The following FAM133B variants were observed in gnomAD, a reference collection of about 807,000 sequenced individuals.
FAM133B encodes the protein protein FAM133B.
FAM133B carries 25 observed loss-of-function variants against 46.4 expected under a neutral mutation model. The ratio of observed to expected loss-of-function variants is 0.54; its 90% confidence interval spans 0.39 to 0.75. The LOEUF (loss-of-function observed/expected upper bound fraction) is 0.75, where lower values mean the gene tolerates loss of function less well. FAM133B is among the 30% of genes least tolerant of loss of function. The pLI, the probability that FAM133B is intolerant of heterozygous loss-of-function variation, is 0.00. For synonymous variants in FAM133B, 75 were observed against 86.0 expected (o/e 0.87, Z 0.71); for missense variants, 205 against 277.6 (o/e 0.74, Z 1.86).
chr7:92,577,645 C>T lies in FAM133B; in HGVS notation c.372+10G>A. ...ATATTATTTCATGAACCATTATAAG[C>T]AAACCTTACCTCATCTTCAGAATCA... On this transcript the variant is annotated intron_variant, in intron 6 of 10. Transcript: ENST00000445716. 2.6e-6 allele frequency: 4 copies of T among 1,568,298 alleles called. No individual in the cohort carries two copies. The highest frequency in any genetic ancestry group is 2.6e-6 in the Non-Finnish European group (3 of 1,155,824).
chr7:92,582,847 G>A (rs1397524846), intron 1 of FAM133B, among the ~76,000 whole-genome samples: 1 of 152,184 alleles, frequency 6.6e-6, no homozygotes, highest in Non-Finnish European at 1.5e-5. Flanking sequence ...GGGTTAGCAA[G>A]GATGCAGAGA....
At chr7:92,578,423 ACTATCTAAC>A in intron 3 of FAM133B, 30 bp from the exon 4 acceptor site, 1 of 1,589,212 alleles carries the variant, frequency 6.3e-7, no homozygotes. Context: ...ACCATCAGAG[ACTATCTAAC>A]CTTTCCAATA....
At chr7:92,566,689 G>C (rs1032048419) in intron 9 of FAM133B, among the ~76,000 whole-genome samples, 6 of 152,030 alleles carry the variant, frequency 3.9e-5, no homozygotes, top group African/African-American at 1.4e-4. Flanking sequence ...AGATTCCAAG[G>C]TCTGAATCCT....
chr7:92,576,830 A>G (rs1032757865), intron 7 of FAM133B, among the ~76,000 whole-genome samples: 1 of 152,160 alleles, frequency 6.6e-6, no homozygotes, highest in African/African-American at 2.4e-5. Flanking sequence ...TTTTAAGCCA[A>G]TGCTTTTTAT....
At chr7:92,581,401 T>TTATC in intron 2 of FAM133B, 105 bp downstream of exon 2, 1 of 870,254 alleles carries the variant, frequency 1.1e-6, no homozygotes, top group Non-Finnish European at 1.8e-6. Context: ...AAAAAATTAC[T>TTATC]TATCTGGCAA....
intron 8 of FAM133B, among the ~76,000 whole-genome samples, chr7:92,575,233 G>T (rs1360038407): frequency 2.0e-5 from 3 of 152,148 alleles, no homozygotes; most frequent in Admixed American, 1.3e-4. Context: ...GGCTGGGCAC[G>T]GAGAGGCCGA....
chr7:92,578,337 G>A lies in FAM133B; in HGVS notation c.258C>T (p.Ser86=). 1.9e-6 allele frequency: 3 copies of A among 1,613,444 alleles called. No homozygotes were observed. The highest frequency in any genetic ancestry group is 2.5e-6 in the Non-Finnish European group (3 of 1,179,634). ...HREKLLSGSE[S]SSKKRQRKKK... is the part of the protein sequence containing the mutation. ...GTATTACCTGTCTTTTTTTGGATGA[G>A]CTCTCACTTCCACTTAACAATTTCT... Residue 86 remains serine (S), a synonymous_variant, in exon 4 of 11, where the codon AGC becomes AGT. Coordinates refer to ENST00000445716, the MANE Select transcript of FAM133B (RefSeq NM_152789.4).
At chr7:92,579,258 T>G in intron 3 of FAM133B, 59 bp downstream of exon 3, 1 of 1,442,616 alleles carries the variant, frequency 6.9e-7, no homozygotes, top group Non-Finnish European at 9.6e-7. Flanking sequence ...GAATTATAGG[T>G]ATGAGCCACC....
intron 8 of FAM133B, among the ~76,000 whole-genome samples, chr7:92,570,563 C>T (rs1275133036): frequency 1.3e-5 from 2 of 152,042 alleles, no homozygotes; most frequent in Non-Finnish European, 2.9e-5. Context: ...AGTGGATATG[C>T]TGGTTATCAT....
intron 1 of FAM133B, among the ~76,000 whole-genome samples, chr7:92,588,180 T>G (rs1795089891): frequency 6.6e-6 from 1 of 152,168 alleles, no homozygotes. Flanking sequence ...ACCAGAATAC[T>G]CTGTGCCATA....
At chr7:92,563,341 G>T (rs559683743) in intron 10 of FAM133B, among the ~76,000 whole-genome samples, 3 of 152,262 alleles carry the variant, frequency 2.0e-5, no homozygotes, top group African/African-American at 7.2e-5. Flanking sequence ...CCAAAATCTT[G>T]TAATTTGGGC....
rs1795165723 is a variant in FAM133B, at chr7:92,590,320, C to G, written c.-29G>C. 1.2e-6 allele frequency: 2 copies of G among 1,613,536 alleles called. No homozygotes were observed. Among genetic ancestry groups the G allele is most frequent in the African/African-American group, 1.3e-5 (1 of 74,904 alleles). On this transcript the variant is annotated 5_prime_UTR_variant, in exon 1 of 11. Transcript: ENST00000445716. Reference sequence around the variant, plus strand: ...GCTGGATCGAGCGCACAGTAGCACGCCGAGGGAAACCGGGCCGGAGAGACT... The same window carrying G: ...GCTGGATCGAGCGCACAGTAGCACGGCGAGGGAAACCGGGCCGGAGAGACT...
intron 8 of FAM133B, among the ~76,000 whole-genome samples, chr7:92,575,049 C>T (rs1794653895): frequency 6.6e-6 from 1 of 152,040 alleles, no homozygotes; most frequent in Non-Finnish European, 1.5e-5. Flanking sequence ...TTAAGGTAGG[C>T]ATAAATTCTG....
At chr7:92,578,421 A>G (rs1794767074) in intron 3 of FAM133B, 28 bp from the exon 4 acceptor site, 1 of 1,593,072 alleles carries the variant, frequency 6.3e-7, no homozygotes, top group African/African-American at 1.3e-5. Context: ...ACACCATCAG[A>G]GACTATCTAA....
At chr7:92,577,523 T>A in intron 6 of FAM133B, 132 bp downstream of exon 6, 1 of 621,588 alleles carries the variant, frequency 1.6e-6, no homozygotes, top group Non-Finnish European at 2.6e-6. Flanking sequence ...CTCATGTTAG[T>A]CCTCTAAGTT....
At chr7:92,588,851 C>T (rs1795109907) in intron 1 of FAM133B, among the ~76,000 whole-genome samples, 1 of 152,198 alleles carries the variant, frequency 6.6e-6, no homozygotes, top group Admixed American at 6.5e-5. Flanking sequence ...CCATGTAAGA[C>T]GCCTGCTCCT....
intron 9 of FAM133B, among the ~76,000 whole-genome samples, chr7:92,568,042 C>T (rs929850691): frequency 1.3e-5 from 2 of 151,894 alleles, no homozygotes; most frequent in Non-Finnish European, 2.9e-5. Context: ...GGGATACAGG[C>T]GTGAACCACC....
At chr7:92,568,356 C>T (rs1794427532) in intron 9 of FAM133B, among the ~76,000 whole-genome samples, 1 of 151,902 alleles carries the variant, frequency 6.6e-6, no homozygotes, top group South Asian at 2.1e-4. Context: ...TCTGGTGTTA[C>T]AGCATTGACT....
At position 92,577,117 on chromosome 7, in the gene FAM133B, CA is replaced by C. The variant is rs1293986546; in HGVS notation, c.450del (p.Glu151AsnfsTer8). ...AAATAATTTACCTTACTGTCTGATT[CA>C]GTTTCTGACATGGAGCTTTCAGAAG... ...HKSSESSMSETESDSKDSLKK... is the reference protein window; with the variant it reads ...HKSSESSMSEXESDSKDSLKK... On this transcript the variant is annotated frameshift_variant, in exon 7 of 11. Coordinates refer to ENST00000445716, the MANE Select transcript of FAM133B (RefSeq NM_152789.4). LOFTEE classifies it high-confidence loss of function. The C allele has an allele frequency of 2.6e-5, 38 of 1,477,122 alleles. No homozygotes were observed. Among genetic ancestry groups the C allele is most frequent in the Non-Finnish European group, 3.2e-5 (36 of 1,111,530 alleles). 91.5% of individuals were successfully genotyped at this position (1,477,122 alleles called of 1,614,324 possible).
Sources: allele counts gnomAD v4.1 joint callset (sites outside exome capture counted in the v4.1 genomes callset), GRCh38; gene constraint gnomAD v4.1.1; transcripts MANE v1.5; gene names NCBI Gene and HGNC (gene_info 2026-07-23, HGNC 2026-07-21).